Variants in KIAA1217 observed in about 807,000 individuals in gnomAD.
KIAA1217 encodes the protein sickle tail protein homolog.
KIAA1217 carries 88 observed loss-of-function variants against 163.9 expected under a neutral mutation model. The observed-to-expected ratio is 0.54, with a 90% CI of 0.45 to 0.64. The LOEUF (loss-of-function observed/expected upper bound fraction) is 0.64. Among genes scored for constraint, KIAA1217 ranks in the 30% least tolerant of loss-of-function variants. The probability of loss-of-function intolerance (pLI) is 0.00; values close to 1 mark genes in which losing one functional copy is unlikely to be tolerated. For synonymous variants in KIAA1217, 903 were observed against 923.1 expected (o/e 0.98, Z 0.39); for missense variants, 2,372 against 2,475.0 (o/e 0.96, Z 0.88).
At chr10:24,357,744 A>G (rs2049302795) in intron 2 of KIAA1217, among the ~76,000 whole-genome samples, 2 of 152,206 alleles carry the variant, frequency 1.3e-5, no homozygotes, top group South Asian at 2.1e-4. Context: ...GAAATTCCTT[A>G]TAGGATGAGT....
rs184239611 is a variant in KIAA1217 at position 23,965,109 on chromosome 10, G to A, written c.-320-42116G>A. On this transcript the variant is annotated intron_variant, in intron 1 of 18. Transcript: ENST00000376462. ...TAAATGTTATAAACTGCATTTCTGT[G>A]ATTAGGACCAACTGGAGAACAAGTG... Among the ~76,000 whole-genome samples, 167 of 152,294 alleles carry A rather than the reference G, an allele frequency of 1.1e-3. No homozygotes were observed. The Middle Eastern group carries it at 0.014, about 12-fold the overall frequency.
chr10:23,784,894 T>C (rs1331457111), intron 1 of KIAA1217, among the ~76,000 whole-genome samples: 1 of 152,150 alleles, frequency 6.6e-6, no homozygotes. Context: ...CCTATGTGAA[T>C]CCCACTGCCT....
At chr10:24,449,851 T>A in intron 5 of KIAA1217, 2 of 656,118 alleles carry the variant, frequency 3.0e-6, no homozygotes, top group East Asian at 1.4e-4. Flanking sequence ...ACTTGTCTTC[T>A]GTATTCAAGT....
chr10:24,297,745 G>A (rs2132619206), intron 2 of KIAA1217, among the ~76,000 whole-genome samples: 1 of 152,176 alleles, frequency 6.6e-6, no homozygotes, highest in Non-Finnish European at 1.5e-5. Context: ...AACAGAACAA[G>A]ACTCTGTCTC....
intron 3 of KIAA1217, among the ~76,000 whole-genome samples, chr10:24,428,523 A>G (rs1189336669): frequency 2.0e-5 from 3 of 152,194 alleles, no homozygotes; most frequent in Non-Finnish European, 4.4e-5. Flanking sequence ...TACTGTGGAT[A>G]CAAACCAAGG....
intron 2 of KIAA1217, among the ~76,000 whole-genome samples, chr10:24,355,766 T>G (rs2049020154): frequency 8.2e-6 from 1 of 121,380 alleles, no homozygotes; most frequent in Non-Finnish European, 1.6e-5. Context: ...TTTTTTTTTT[T>G]GAGACAGAGT....
chr10:23,902,582 T>C (rs954312577), intron 1 of KIAA1217, among the ~76,000 whole-genome samples: 1 of 152,126 alleles, frequency 6.6e-6, no homozygotes, highest in African/African-American at 2.4e-5. Flanking sequence ...AACCAATTCA[T>C]AGCAGTACTT....
chr10:24,176,701 G>T (rs972730593), intron 2 of KIAA1217, among the ~76,000 whole-genome samples: 4 of 152,246 alleles, frequency 2.6e-5, no homozygotes, highest in Non-Finnish European at 4.4e-5. Context: ...GGGCAGAGCT[G>T]CCTGCCAGTA....
rs1454509822 is a variant in KIAA1217 at position 23,695,098 on chromosome 10, A to C, written c.-457A>C. 3 of 152,224 alleles carry C rather than the reference A, an allele frequency of 2.0e-5. No homozygotes were observed. Among genetic ancestry groups the C allele is most frequent in the Admixed American group, 1.3e-4 (2 of 15,284 alleles). The allele number at this position is 152,224 out of a possible 1,614,324, so 9.4% of individuals were successfully genotyped here. On this transcript the variant is annotated 5_prime_UTR_variant, in exon 1 of 19. Transcript: ENST00000376462. This position sits in a 1 kb window ranked among gnomAD's most constrained non-coding sequence, Gnocchi z 4.9. ...CGGGCCCCCGGCACGCTCGCCCGGGAGATACCCCTTCCCCCTCTTGCGCAT... is the reference window on the plus strand; with the variant it reads ...CGGGCCCCCGGCACGCTCGCCCGGGCGATACCCCTTCCCCCTCTTGCGCAT...
At position 24,538,943 on chromosome 10, in the gene KIAA1217, AGGTT is replaced by A. The variant is rs372342548; in HGVS notation, c.3534+2054_3534+2057del. 9.2e-5 allele frequency among the ~76,000 whole-genome samples: 14 copies of A among 151,980 alleles called. 2 individuals are homozygous for A. The highest frequency in any genetic ancestry group is 3.4e-4 in the African/African-American group (14 of 41,482). Reference sequence around the variant, plus strand: ...GAGATGGGGTTTCACCATCTTGGCCAGGTTGGTCTTGAACTCCTGACCTCGTGAT... The same window carrying A: ...GAGATGGGGTTTCACCATCTTGGCCAGGTCTTGAACTCCTGACCTCGTGAT... On this transcript the variant is annotated intron_variant, in intron 17 of 20. Transcript: ENST00000376454.
At chr10:24,092,357 A>G (rs1014425265) in intron 2 of KIAA1217, among the ~76,000 whole-genome samples, 1 of 151,890 alleles carries the variant, frequency 6.6e-6, no homozygotes, top group Non-Finnish European at 1.5e-5. Context: ...TTATCAAGAT[A>G]CTAAGGACTA....
intron 2 of KIAA1217, among the ~76,000 whole-genome samples, chr10:24,048,642 A>G (rs1257166892): frequency 2.6e-5 from 4 of 151,772 alleles, no homozygotes; most frequent in Non-Finnish European, 5.9e-5. Context: ...TGGCAGGAAA[A>G]TTGTTTGAAT....
intron 2 of KIAA1217, among the ~76,000 whole-genome samples, chr10:24,057,435 C>G (rs1318082499): frequency 1.3e-5 from 2 of 152,162 alleles, no homozygotes; most frequent in Non-Finnish European, 2.9e-5. Flanking sequence ...CCATTTGTCT[C>G]TCCCCTCAAT....
chr10:24,052,008 T>C (rs542540505), intron 2 of KIAA1217, among the ~76,000 whole-genome samples: 1 of 152,294 alleles, frequency 6.6e-6, no homozygotes, highest in Non-Finnish European at 1.5e-5. Context: ...TTTTTGATTC[T>C]TGGTCATGAA....
At chr10:24,524,152 T>C (rs368277652) in intron 12 of KIAA1217, among the ~76,000 whole-genome samples, 171 bp from the exon 13 acceptor site, 104 of 152,312 alleles carry the variant, frequency 6.8e-4, no homozygotes, top group African/African-American at 2.4e-3. Context: ...TGCAAGGGTC[T>C]GAGCACAACT....
chr10:24,039,683 C>A (rs1848544733), intron 2 of KIAA1217, among the ~76,000 whole-genome samples: 1 of 152,008 alleles, frequency 6.6e-6, no homozygotes, highest in Admixed American at 6.6e-5. Context: ...GGACCTACCC[C>A]CATTGTACGT....
intron 2 of KIAA1217, among the ~76,000 whole-genome samples, chr10:24,303,666 T>C (rs573775805): frequency 6.6e-6 from 1 of 152,200 alleles, no homozygotes; most frequent in Non-Finnish European, 1.5e-5. Flanking sequence ...CAAACTCAAG[T>C]TGGGTTTTGG....
intron 1 of KIAA1217, among the ~76,000 whole-genome samples, chr10:23,847,769 T>G (rs1315039708): frequency 6.6e-6 from 1 of 152,192 alleles, no homozygotes; most frequent in Non-Finnish European, 1.5e-5. Context: ...TTTTTGAATT[T>G]GTTTGCTCTT....
At chr10:24,098,724 C>CGTGTGTGTGTGTGTGT (rs10524680) in intron 2 of KIAA1217, among the ~76,000 whole-genome samples, 2,602 of 139,272 alleles carry the variant, frequency 0.019, 49 homozygotes, top group African/African-American at 0.044. Context: ...TGAAGGGGAG[C>CGTGTGTGTGTGTGTGT]GTGTGTGTGT....
Sources: allele counts gnomAD v4.1 joint callset (sites outside exome capture counted in the v4.1 genomes callset), GRCh38; gene constraint gnomAD v4.1.1; non-coding constraint Gnocchi (gnomAD v3.1); transcripts MANE v1.5; gene names NCBI Gene and HGNC (gene_info 2026-07-23, HGNC 2026-07-21).